GRB2: variants seen among roughly 807,000 people sequenced by gnomAD.
The protein encoded by GRB2 is growth factor receptor bound protein 2, also known as growth factor receptor-bound protein 2.
In GRB2, 2 loss-of-function variants were observed where a neutral mutation model predicts 27.4. The observed-to-expected ratio is 0.07, with a 90% CI of 0.03 to 0.23. GRB2 has a LOEUF of 0.23. Ranked by LOEUF, GRB2 falls within the 10% of genes least tolerant of loss-of-function variation. The pLI is 1.00. For missense variants in GRB2, 102 were observed against 282.4 expected, an observed-to-expected ratio of 0.36 and a Z score of 4.58; for synonymous variants, 94 against 99.6, an observed-to-expected ratio of 0.94 and a Z score of 0.33.
intron 2 of GRB2, among the ~76,000 whole-genome samples, chr17:75,388,007 T>C (rs1306946655): frequency 2.0e-5 from 3 of 152,174 alleles, no homozygotes; most frequent in African/African-American, 7.2e-5. Context: ...TATTTGGAAA[T>C]AGTCCATTCA....
chr17:75,380,209 C>A (rs1003393826), intron 2 of GRB2, among the ~76,000 whole-genome samples: 1 of 152,064 alleles, frequency 6.6e-6, no homozygotes, highest in Non-Finnish European at 1.5e-5. Context: ...AAGCTGTGCA[C>A]AGTGATTTTT....
intron 4 of GRB2, among the ~76,000 whole-genome samples, chr17:75,323,242 C>CA (rs1338673875): frequency 1.3e-5 from 2 of 151,990 alleles, no homozygotes; most frequent in Non-Finnish European, 2.9e-5. Context: ...ATCAATCCGG[C>CA]AGGTGGCAGC....
At position 75,332,755 on chromosome 17, in the gene GRB2, G is replaced by GCTCT. The variant is rs745570924; in HGVS notation, c.117_120dup (p.Leu41ArgfsTer3). 1 of 1,612,182 alleles carries GCTCT rather than the reference G, an allele frequency of 6.2e-7. No homozygotes were observed. ...GGAATGAAGCCGTCTTTTCCATTAA[G>GCTCT]CTCTGCCTTGTACCAGTTCTGATCA... On this transcript the variant is annotated frameshift_variant, in exon 3 of 6. Coordinates refer to ENST00000316804, the MANE Select transcript of GRB2 (RefSeq NM_002086.5). LOFTEE classifies it high-confidence loss of function.
intron 2 of GRB2, among the ~76,000 whole-genome samples, chr17:75,354,068 T>C (rs1401396006): frequency 1.3e-5 from 2 of 151,688 alleles, no homozygotes; most frequent in Non-Finnish European, 2.9e-5. Flanking sequence ...AAAGGGTGCG[T>C]GAGGGGCAAA....
intron 2 of GRB2, among the ~76,000 whole-genome samples, chr17:75,354,027 G>A (rs1026550138): frequency 5.6e-5 from 4 of 71,694 alleles, no homozygotes; most frequent in Non-Finnish European, 1.5e-4. Context: ...GTGACAGAGC[G>A]AGACTCTGTC....
At position 75,318,081 on chromosome 17, in the gene GRB2, AATTC is replaced by A. The variant is rs1422022436; in HGVS notation, c.*2283_*2286del. 7 of 152,732 alleles carry A rather than the reference AATTC, an allele frequency of 4.6e-5. No individual in the cohort carries two copies. The highest frequency in any genetic ancestry group is 1.0e-4 in the Non-Finnish European group (7 of 68,038). The allele number at this position is 152,732 out of a possible 1,614,324, so 9.5% of individuals were successfully genotyped here. On this transcript the variant is annotated 3_prime_UTR_variant, in exon 6 of 6. Coordinates refer to ENST00000316804, the MANE Select transcript of GRB2 (RefSeq NM_002086.5). ...GGGGAAAAAAAGATACCAAGTGAAG[AATTC>A]ATTGTGTATTTATTATTCACAGTTA...
chr17:75,339,416 A>G (rs1220201929), intron 2 of GRB2, among the ~76,000 whole-genome samples: 2 of 151,532 alleles, frequency 1.3e-5, no homozygotes, highest in Non-Finnish European at 2.9e-5. Flanking sequence ...GATGGTCTCG[A>G]TCACTTGACC....
chr17:75,324,962 G>C (rs2078488785), intron 4 of GRB2, among the ~76,000 whole-genome samples: 1 of 152,120 alleles, frequency 6.6e-6, no homozygotes, highest in Non-Finnish European at 1.5e-5. Flanking sequence ...TGTAATCCCA[G>C]GTACTCGGAG....
chr17:75,327,224 G>A (rs1359640464), intron 3 of GRB2, among the ~76,000 whole-genome samples: 1 of 151,250 alleles, frequency 6.6e-6, no homozygotes, highest in East Asian at 1.9e-4. Context: ...ATACATAGGC[G>A]CCCGCCACCA....
At chr17:75,403,075 CAAAA>C (rs59384819) in intron 1 of GRB2, among the ~76,000 whole-genome samples, 3 of 43,174 alleles carry the variant, frequency 6.9e-5, no homozygotes, top group African/African-American at 1.7e-4. Context: ...GAATCTGTCT[CAAAA>C]AAAAAAAAAA....
intron 2 of GRB2, among the ~76,000 whole-genome samples, chr17:75,374,336 G>A (rs560751294): frequency 2.0e-5 from 3 of 149,766 alleles, no homozygotes; most frequent in South Asian, 2.1e-4. Context: ...CCCGGGAGGC[G>A]GAGGTTGCAG....
chr17:75,346,185 A>C (rs1401918950), intron 2 of GRB2, among the ~76,000 whole-genome samples: 2 of 132,796 alleles, frequency 1.5e-5, no homozygotes, highest in African/African-American at 5.1e-5. Flanking sequence ...TTTTTTCTGA[A>C]AACTGCTTTA....
intron 2 of GRB2, among the ~76,000 whole-genome samples, chr17:75,358,375 G>A (rs1001093020): frequency 2.0e-5 from 3 of 152,096 alleles, no homozygotes; most frequent in African/African-American, 7.2e-5. Context: ...CCTACACTAT[G>A]GGTGGAGTGT....
intron 1 of GRB2, among the ~76,000 whole-genome samples, chr17:75,401,832 A>T (rs1260485474): frequency 3.3e-5 from 5 of 152,266 alleles, no homozygotes; most frequent in Non-Finnish European, 5.9e-5. Flanking sequence ...AGACTGAGCT[A>T]ACTAATTATC....
chr17:75,332,425 A>G (rs1433867005), intron 3 of GRB2, among the ~76,000 whole-genome samples: 1 of 152,228 alleles, frequency 6.6e-6, no homozygotes, highest in Non-Finnish European at 1.5e-5. Flanking sequence ...TCTGGCTCTA[A>G]GACATATTTA....
chr17:75,404,073 T>G (rs116837316), intron 1 of GRB2, among the ~76,000 whole-genome samples: 4 of 149,450 alleles, frequency 2.7e-5, no homozygotes, highest in African/African-American at 9.9e-5. Flanking sequence ...TATAGCACCA[T>G]TGCACTCCAG....
intron 2 of GRB2, among the ~76,000 whole-genome samples, chr17:75,341,587 A>G (rs2078621961): frequency 6.6e-6 from 1 of 152,104 alleles, no homozygotes; most frequent in South Asian, 2.1e-4. Flanking sequence ...AAAGAAGAAA[A>G]AAAAGGGAAG....
intron 2 of GRB2, among the ~76,000 whole-genome samples, chr17:75,366,453 C>T (rs2078819907): frequency 7.2e-6 from 1 of 138,110 alleles, no homozygotes; most frequent in African/African-American, 2.5e-5. Flanking sequence ...GAGGCTGGCA[C>T]AGGCAATCAT....
At chr17:75,387,080 G>A (rs1598252752) in intron 2 of GRB2, among the ~76,000 whole-genome samples, 1 of 151,688 alleles carries the variant, frequency 6.6e-6, no homozygotes, top group African/African-American at 2.4e-5. Context: ...AGAATGGCAT[G>A]AACCCAGGAG....
Sources: allele counts gnomAD v4.1 joint callset (sites outside exome capture counted in the v4.1 genomes callset), GRCh38; gene constraint gnomAD v4.1.1; transcripts MANE v1.5; gene names NCBI Gene and HGNC (gene_info 2026-07-23, HGNC 2026-07-21).